The following DNAH6 variants were observed in gnomAD, a reference collection of about 807,000 sequenced individuals.
DNAH6 encodes axonemal beta dynein heavy chain 6.
Under a neutral mutation model 491.4 loss-of-function variants are expected in DNAH6, and 340 were observed. The observed-to-expected ratio is 0.69, with a 90% confidence interval of 0.63 to 0.76. The LOEUF is 0.76. Ranked by LOEUF, DNAH6 falls within the 30% of genes least tolerant of loss-of-function variation. The pLI, the probability that DNAH6 is intolerant of heterozygous loss-of-function variation, is 0.00. For synonymous variants in DNAH6, 1,603 were observed against 1,686.1 expected (o/e 0.95, Z 1.21); for missense variants, 4,443 against 4,972.2 (o/e 0.89, Z 3.20).
In DNAH6 at chr2:84,707,711, C is replaced by G; in HGVS notation, c.9043C>G (p.Gln3015Glu). 5.2e-6 allele frequency: 8 copies of G among 1,551,398 alleles called. No homozygotes were observed. Among genetic ancestry groups the G allele is most frequent in the Non-Finnish European group, 6.1e-6 (7 of 1,146,470 alleles). The change falls in exon 54 of 77, where the codon CAG (glutamine) becomes GAG (glutamate). Residue 3015 changes from glutamine (Q) to glutamate (E), a missense_variant. This residue lies in a region of DNAH6 where 1,463 missense variants were observed against 1,656.6 expected (regional missense o/e 0.88). Coordinates refer to ENST00000389394, the MANE Select transcript of DNAH6 (RefSeq NM_001370.2). ...TGGGGCTTTCACAGCCCAGTACAGG[C>G]AGTCAGTGAGTAACCCTGCTTTCTG... ...YYGAFTAQYR[Q>E]SLIECWIQDC...
intron 63 of DNAH6, chr2:84,750,907 G>A (rs1192271): frequency 0.98 from 150,040 of 152,372 alleles, 73,889 homozygotes; most frequent in East Asian, 1. Context: ...ATACCAAACA[G>A]TTGGTAGCAT....
rs754526558 is a variant in DNAH6, at chr2:84,584,176, C to A, written c.2407C>A (p.Gln803Lys). The change falls in exon 15 of 77, where the codon CAA becomes AAA. Residue 803 changes from glutamine to lysine, a missense_variant. Gln to Lys is a moderately conservative substitution (Grantham distance 53). Transcript: ENST00000389394. The stretch of plus-strand genomic sequence containing the variant: ...GGGTGATAGAGAATCAAGCATTAAG[C>A]AATTTTGTGTGCATTTGGGTAGTGA... ...SVGDRESSIKQFCVHLGSDLE... is the reference protein window; with the variant it reads ...SVGDRESSIKKFCVHLGSDLE... 1.2e-6 allele frequency: 2 copies of A among 1,614,112 alleles called. No individual in the cohort carries two copies. The highest frequency in any genetic ancestry group is 4.5e-5 in the East Asian group (2 of 44,868).
intron 65 of DNAH6, among the ~76,000 whole-genome samples, chr2:84,783,613 G>A (rs1196300081): frequency 6.6e-6 from 1 of 152,208 alleles, no homozygotes; most frequent in African/African-American, 2.4e-5. Context: ...AAACCAAGAA[G>A]CATGAAATCA....
intron 12 of DNAH6, among the ~76,000 whole-genome samples, chr2:84,576,112 C>T (rs1394920226): frequency 6.6e-6 from 1 of 152,150 alleles, no homozygotes; most frequent in African/African-American, 2.4e-5. Flanking sequence ...TTGGAAAATA[C>T]TAAACAGCGC....
At chr2:84,498,422 T>C in the DNAH6 span, among the ~76,000 whole-genome samples, 5 of 152,352 alleles carry the variant, frequency 3.3e-5, no homozygotes, top group South Asian at 1.0e-3. Flanking sequence ...TAGTATTTGT[T>C]TGAATCATTT....
intron 49 of DNAH6, among the ~76,000 whole-genome samples, chr2:84,702,150 G>A (rs1259231074): frequency 2.6e-5 from 4 of 152,170 alleles, no homozygotes; most frequent in African/African-American, 7.2e-5. Flanking sequence ...AGCAAGGACT[G>A]GGGTATCAGC....
chr2:84,641,806 C>G, intron 32 of DNAH6, 141 bp from the exon 33 acceptor site: 1 of 644,814 alleles, frequency 1.6e-6, no homozygotes, highest in East Asian at 2.8e-5. Context: ...TGGAGATGAA[C>G]GCTGAACACA....
At chr2:84,459,607 G>A in the DNAH6 span, 3 of 272,746 alleles carry the variant, frequency 1.1e-5, no homozygotes, top group South Asian at 4.7e-5. Flanking sequence ...AGGGAGCGAG[G>A]GAAGAGCGGC....
intron 12 of DNAH6, among the ~76,000 whole-genome samples, chr2:84,575,278 C>T (rs1682309817): frequency 1.3e-5 from 2 of 152,168 alleles, no homozygotes; most frequent in South Asian, 4.1e-4. Flanking sequence ...TGCTCCCTGT[C>T]CTGCCTCAGA....
At chr2:84,631,068 A>G (rs1475223237) in intron 29 of DNAH6, among the ~76,000 whole-genome samples, 1 of 152,180 alleles carries the variant, frequency 6.6e-6, no homozygotes, top group Non-Finnish European at 1.5e-5. Context: ...AAAACAAAAC[A>G]AAACAAAACA....
chr2:84,607,556 A>T (rs568935496), intron 21 of DNAH6, among the ~76,000 whole-genome samples: 75 of 152,290 alleles, frequency 4.9e-4, no homozygotes, highest in African/African-American at 1.8e-3. Flanking sequence ...CTGAATGACA[A>T]GATCATTCAT....
chr2:84,659,002 G>A (rs1006142267), intron 36 of DNAH6, 24 bp from the exon 37 acceptor site: 2 of 1,296,540 alleles, frequency 1.5e-6, no homozygotes, highest in African/African-American at 1.5e-5. Context: ...AAAATATTAA[G>A]TCTGTTTCTC....
At chr2:84,558,054 A>G (rs1187319110) in intron 11 of DNAH6, 119 bp downstream of exon 11, 2 of 590,602 alleles carry the variant, frequency 3.4e-6, no homozygotes, top group Non-Finnish European at 5.5e-6. Flanking sequence ...GCATATGCCT[A>G]AATCTCTAAA....
chr2:84,777,551 T>TA, intron 64 of DNAH6: 1 of 771,212 alleles, frequency 1.3e-6, no homozygotes, highest in Non-Finnish European at 2.4e-6. Flanking sequence ...CTCAACCACC[T>TA]ACTTGTGAAC....
chr2:84,616,013 T>C (rs1319927480), intron 22 of DNAH6, among the ~76,000 whole-genome samples: 1 of 152,008 alleles, frequency 6.6e-6, no homozygotes, highest in Non-Finnish European at 1.5e-5. Context: ...CCTTTTGGAG[T>C]TGATTTCCAA....
At chr2:84,676,893 G>T in intron 40 of DNAH6, 112 bp from the exon 41 acceptor site, 1 of 1,215,210 alleles carries the variant, frequency 8.2e-7, no homozygotes. Context: ...CATTTAACAT[G>T]CACAAAAAAA....
intron 56 of DNAH6, 28 bp downstream of exon 56, chr2:84,710,440 T>C (rs1272518079): frequency 1.3e-6 from 2 of 1,549,978 alleles, no homozygotes; most frequent in Admixed American, 3.9e-5. Context: ...TTTTCTCATG[T>C]CAGTTCCCAA....
chr2:84,759,917 A>G (rs764844570), intron 63 of DNAH6, among the ~76,000 whole-genome samples: 1 of 152,212 alleles, frequency 6.6e-6, no homozygotes, highest in Non-Finnish European at 1.5e-5. Flanking sequence ...ATCAAATTAT[A>G]TTACAAGGCT....
chr2:84,631,873 C>CA (rs1688433090), intron 29 of DNAH6, among the ~76,000 whole-genome samples: 1 of 152,180 alleles, frequency 6.6e-6, no homozygotes, highest in Non-Finnish European at 1.5e-5. Context: ...ACTAATAGAG[C>CA]AAAACCCTTC....
Sources: allele counts gnomAD v4.1 joint callset (sites outside exome capture counted in the v4.1 genomes callset), GRCh38; gene constraint gnomAD v4.1.1; regional missense constraint gnomAD v4.1.1; transcripts MANE v1.5; gene names NCBI Gene and HGNC (gene_info 2026-07-23, HGNC 2026-07-21).